Variants in CFAP57 observed in about 807,000 individuals in gnomAD.
CFAP57 encodes cilia and flagella associated protein 57, also known as cilia- and flagella-associated protein 57.
Under a neutral mutation model 146.8 loss-of-function variants are expected in CFAP57, and 116 were observed. The ratio of observed to expected loss-of-function variants is 0.79; its 90% CI spans 0.68 to 0.92. CFAP57 has a LOEUF of 0.92. Among genes scored for constraint, CFAP57 ranks in the 40% least tolerant of loss-of-function variants. The probability of loss-of-function intolerance (pLI) is 0.00; values close to 1 mark genes in which losing one functional copy is unlikely to be tolerated. For missense variants in CFAP57, 1,377 were observed against 1,527.2 expected, an observed-to-expected ratio of 0.90 and a Z score of 1.64; for synonymous variants, 518 against 552.8, an observed-to-expected ratio of 0.94 and a Z score of 0.88.
intron 19 of CFAP57, among the ~76,000 whole-genome samples, chr1:43,233,677 T>C (rs1373136356): frequency 6.6e-6 from 1 of 152,028 alleles, no homozygotes; most frequent in Non-Finnish European, 1.5e-5. Context: ...TAGAAAACGA[T>C]GGAACATGTA....
chr1:43,228,438 G>A lies in CFAP57; in HGVS notation c.3009+1312G>A, dbSNP rs1054796909. 6.3e-5 allele frequency among the ~76,000 whole-genome samples: 8 copies of A among 127,648 alleles called. 1 individual carries two copies. The highest frequency in any genetic ancestry group is 3.0e-4 in the East Asian group (1 of 3,384). 83.7% of individuals were successfully genotyped at this position (127,648 alleles called of 152,430 possible). Reference sequence around the variant, plus strand: ...CTTCTCTAATTGTTTGTGCTGAGCCGGGATAACAGATACAAGGGTGTCAGA... The same window carrying A: ...CTTCTCTAATTGTTTGTGCTGAGCCAGGATAACAGATACAAGGGTGTCAGA... On this transcript the variant is annotated intron_variant, in intron 18 of 22. Coordinates refer to ENST00000372492, the MANE Select transcript of CFAP57 (RefSeq NM_001378189.1).
At chr1:43,249,423 T>C (rs1279629464) in intron 22 of CFAP57, among the ~76,000 whole-genome samples, 2 of 102,400 alleles carry the variant, frequency 2.0e-5, no homozygotes, top group African/African-American at 3.9e-5. Context: ...AACCATTTCT[T>C]TTTTTTTTTT....
chr1:43,190,327 G>A (rs4275488), intron 6 of CFAP57, among the ~76,000 whole-genome samples: 25,280 of 141,554 alleles, frequency 0.18, 3,393 homozygotes, highest in African/African-American at 0.35. Flanking sequence ...CTGGAGGGCA[G>A]TGGCGCAATC....
At chr1:43,182,057 T>G (rs999633955) in intron 3 of CFAP57, among the ~76,000 whole-genome samples, 36 of 152,206 alleles carry the variant, frequency 2.4e-4, no homozygotes, top group African/African-American at 8.7e-4. Flanking sequence ...TCACTCAAGA[T>G]CACAGAGGTA....
At chr1:43,231,827 C>T (rs773298463) in intron 18 of CFAP57, among the ~76,000 whole-genome samples, 1 of 152,074 alleles carries the variant, frequency 6.6e-6, no homozygotes, top group African/African-American at 2.4e-5. Flanking sequence ...AGATAGAGAT[C>T]GCACCACTGC....
At position 43,198,619 on chromosome 1, in the gene CFAP57, A is replaced by C. The variant is rs369224409; in HGVS notation, c.1401A>C (p.Lys467Asn). Residue 467 changes from lysine to asparagine, a missense_variant, in exon 8 of 23, where the codon AAA becomes AAC. Transcript: ENST00000372492. ...NLLIDDIRSF[K>N]EYSVRGCGEC... is the part of the protein sequence containing the mutation. Reference sequence around the variant, plus strand: ...TCATTGATGATATACGTTCTTTCAAAGAATACTCTGTTAGAGGATGCGGAG... The same window carrying C: ...TCATTGATGATATACGTTCTTTCAACGAATACTCTGTTAGAGGATGCGGAG... The C allele has an allele frequency of 1.8e-5, 29 of 1,613,726 alleles. No individual in the cohort carries two copies. Among genetic ancestry groups the C allele is most frequent in the Non-Finnish European group, 2.5e-5 (29 of 1,179,980 alleles).
chr1:43,231,596 G>A (rs1645469884), intron 18 of CFAP57, among the ~76,000 whole-genome samples: 2 of 151,690 alleles, frequency 1.3e-5, no homozygotes, highest in South Asian at 4.1e-4. Flanking sequence ...GCTCATGCCT[G>A]TAATCCCAGC....
chr1:43,218,170 G>A (rs992497415), intron 12 of CFAP57, among the ~76,000 whole-genome samples: 2 of 152,220 alleles, frequency 1.3e-5, no homozygotes, highest in Non-Finnish European at 2.9e-5. Flanking sequence ...AGGGATGCAC[G>A]GGGTGTCCCC....
At chr1:43,176,739 A>G (rs12408775) in intron 2 of CFAP57, among the ~76,000 whole-genome samples, 30,907 of 152,044 alleles carry the variant, frequency 0.2, 4,049 homozygotes, top group African/African-American at 0.34. Flanking sequence ...AAGAACAAAC[A>G]AAGCATGGAA....
chr1:43,205,027 T>G (rs990814120), intron 9 of CFAP57, among the ~76,000 whole-genome samples: 1 of 152,138 alleles, frequency 6.6e-6, no homozygotes, highest in Non-Finnish European at 1.5e-5. Flanking sequence ...CGGGTCTTTG[T>G]GTAGCTTAGG....
chr1:43,234,466 C>T, intron 20 of CFAP57, 29 bp from the exon 21 acceptor site: 1 of 1,543,538 alleles, frequency 6.5e-7, no homozygotes, highest in African/African-American at 1.4e-5. Flanking sequence ...TCTCCTCTCC[C>T]TCACTGAGAA....
intron 22 of CFAP57, among the ~76,000 whole-genome samples, chr1:43,247,986 G>A (rs35509903): frequency 0.3 from 45,481 of 151,426 alleles, 8,359 homozygotes; most frequent in Non-Finnish European, 0.41. Context: ...TTAGCCGGGC[G>A]TGGTGGCAGG....
At position 43,199,430 on chromosome 1, in the gene CFAP57, A is replaced by G. The variant is rs771330454; in HGVS notation, c.1469A>G (p.Asn490Ser). The change falls in exon 9 of 23, where the codon AAT becomes AGT. Residue 490 changes from asparagine to serine, a missense_variant. Coordinates refer to ENST00000372492, the MANE Select transcript of CFAP57 (RefSeq NM_001378189.1). ...GGAGGTCACCTGTTTGCTGCAGTCA[A>G]TGGAAATGTGATTCACGTTTACACC... ...SNGGHLFAAV[N>S]GNVIHVYTTT... 1.9e-5 allele frequency: 31 copies of G among 1,614,038 alleles called. No homozygotes were observed. The highest frequency in any genetic ancestry group is 6.6e-5 in the South Asian group (6 of 91,080).
chr1:43,202,830 T>C (rs1357598385), intron 9 of CFAP57, among the ~76,000 whole-genome samples: 1 of 151,436 alleles, frequency 6.6e-6, no homozygotes, highest in African/African-American at 2.4e-5. Flanking sequence ...TTATGAACTT[T>C]ATGCAAATAA....
chr1:43,249,624 AGTAGAAATGGG>A (rs1646263150), intron 22 of CFAP57, among the ~76,000 whole-genome samples: 1 of 56,022 alleles, frequency 1.8e-5, no homozygotes, highest in Non-Finnish European at 3.5e-5. Context: ...TTTTTTTTTT[AGTAGAAATGGG>A]GTTTCACCGT....
At position 43,201,429 on chromosome 1, in the gene CFAP57, G is replaced by C. The variant is rs1047959183; in HGVS notation, c.1542+1926G>C. 4.6e-5 allele frequency among the ~76,000 whole-genome samples: 7 copies of C among 152,214 alleles called. No homozygotes were observed. The highest frequency in any genetic ancestry group is 1.7e-4 in the African/African-American group (7 of 41,450). ...TGACCGTTGACTTTAGCAAATAACAGATCATTGGAAGGAAAAGTAAAAATG... is the reference window on the plus strand; with the variant it reads ...TGACCGTTGACTTTAGCAAATAACACATCATTGGAAGGAAAAGTAAAAATG... On this transcript the variant is annotated intron_variant, in intron 9 of 22. Transcript: ENST00000372492. This position sits in a 1 kb window ranked among gnomAD's most constrained non-coding sequence, Gnocchi z 4.4.
intron 21 of CFAP57, among the ~76,000 whole-genome samples, chr1:43,242,952 A>T (rs1645982473): frequency 6.6e-6 from 1 of 152,206 alleles, no homozygotes. Context: ...ACTCATATAA[A>T]AAGTGCATGG....
chr1:43,229,694 CT>C (rs1174366734), intron 18 of CFAP57, among the ~76,000 whole-genome samples: 2 of 148,676 alleles, frequency 1.3e-5, no homozygotes, highest in Non-Finnish European at 3.0e-5. Flanking sequence ...TTAGTTTACA[CT>C]CATTTACTAG....
rs1306152561 is a variant in CFAP57 at position 43,185,372 on chromosome 1, A to T, written c.969+16A>T. 1.9e-6 allele frequency: 3 copies of T among 1,612,580 alleles called. No homozygotes were observed. The highest frequency in any genetic ancestry group is 2.5e-6 in the Non-Finnish European group (3 of 1,178,938). On this transcript the variant is annotated intron_variant, in intron 5 of 22. Transcript: ENST00000372492. ...AGAAATCAGGGTAAGGCGGGAAGAA[A>T]AAAAAGAAGTAAAATGGGGGTCCTA...
Sources: allele counts gnomAD v4.1 joint callset (sites outside exome capture counted in the v4.1 genomes callset), GRCh38; gene constraint gnomAD v4.1.1; non-coding constraint Gnocchi (gnomAD v3.1); transcripts MANE v1.5; gene names NCBI Gene and HGNC (gene_info 2026-07-23, HGNC 2026-07-21).